Variants in TRPC4AP observed in about 807,000 individuals in gnomAD.
TRPC4AP encodes short transient receptor potential channel 4-associated protein.
Under a neutral mutation model 99.0 loss-of-function variants are expected in TRPC4AP, and 45 were observed. The ratio of observed to expected loss-of-function variants is 0.45; its 90% confidence interval spans 0.36 to 0.58. The LOEUF is 0.58. Among genes scored for constraint, TRPC4AP ranks in the 20% least tolerant of loss-of-function variants. TRPC4AP has a pLI of 0.00. For missense variants in TRPC4AP, 879 were observed against 985.3 expected (o/e 0.89, Z 1.44); for synonymous variants, 408 against 385.8 (o/e 1.06, Z -0.67).
chr20:35,081,877 C>T (rs1195721405), intron 1 of TRPC4AP, among the ~76,000 whole-genome samples: 2 of 151,956 alleles, frequency 1.3e-5, no homozygotes, highest in Non-Finnish European at 2.9e-5. Context: ...CCCAGTTACT[C>T]GAGAGGCTGA....
At chr20:35,049,517 T>C (rs1420292691) in intron 6 of TRPC4AP, among the ~76,000 whole-genome samples, 2 of 152,170 alleles carry the variant, frequency 1.3e-5, no homozygotes, top group Non-Finnish European at 2.9e-5. Context: ...AGTCACTGCA[T>C]AGCATACAAT....
At chr20:35,020,969 T>C (rs935550165) in intron 9 of TRPC4AP, among the ~76,000 whole-genome samples, 2 of 152,196 alleles carry the variant, frequency 1.3e-5, no homozygotes, top group Non-Finnish European at 2.9e-5. Context: ...CAACCAAGAC[T>C]GCCTAGAAAC....
chr20:35,037,743 T>C (rs2083354173), intron 7 of TRPC4AP, among the ~76,000 whole-genome samples: 1 of 152,184 alleles, frequency 6.6e-6, no homozygotes, highest in African/African-American at 2.4e-5. Context: ...CAGAAGACGG[T>C]GGTGCCATCA....
intron 3 of TRPC4AP, among the ~76,000 whole-genome samples, chr20:35,066,117 T>A (rs2084137949): frequency 6.6e-6 from 1 of 152,156 alleles, no homozygotes; most frequent in South Asian, 2.1e-4. Flanking sequence ...TACAATTTTT[T>A]TTTTTGAGAT....
At chr20:35,048,938 G>C (rs2083627251) in intron 6 of TRPC4AP, among the ~76,000 whole-genome samples, 1 of 152,172 alleles carries the variant, frequency 6.6e-6, no homozygotes, top group Non-Finnish European at 1.5e-5. Context: ...ACTTGTGCTG[G>C]GCAATGACAA....
chr20:35,013,205 C>G, intron 10 of TRPC4AP, 139 bp from the exon 11 acceptor site: 1 of 729,964 alleles, frequency 1.4e-6, no homozygotes, highest in African/African-American at 1.8e-5. Context: ...AGTTAGAAAA[C>G]CATCTGTTCA....
intron 2 of TRPC4AP, 142 bp from the exon 3 acceptor site, chr20:35,069,554 T>C: frequency 1.6e-6 from 1 of 607,734 alleles, no homozygotes; most frequent in Non-Finnish European, 2.9e-6. Context: ...TTCCTAGTAT[T>C]CAGGCCCCTG....
chr20:35,083,897 AGCTAAACTAAACT>A (rs2084723743), intron 1 of TRPC4AP, among the ~76,000 whole-genome samples: 1 of 152,004 alleles, frequency 6.6e-6, no homozygotes, highest in African/African-American at 2.4e-5. Flanking sequence ...CCTAGTAAGC[AGCTAAACTAAACT>A]GCTAAACTGC....
At chr20:35,067,181 T>C (rs2084166279) in intron 3 of TRPC4AP, among the ~76,000 whole-genome samples, 1 of 152,168 alleles carries the variant, frequency 6.6e-6, no homozygotes, top group African/African-American at 2.4e-5. Context: ...TCACACTCAC[T>C]AGAATGGCTG....
At position 35,057,530 on chromosome 20, in the gene TRPC4AP, C is replaced by A; in HGVS notation, c.456G>T (p.Arg152=). ...EILMRPTISI[R]GQKLKISDEM... ...TATACTTACTTTTCAGTTTCTGTCC[C>A]CGGATAGAGATCGTAGGCCTCATAA... Residue 152 remains arginine, a synonymous_variant, in exon 4 of 19, where the codon CGG becomes CGT. Coordinates refer to ENST00000252015, the MANE Select transcript of TRPC4AP (RefSeq NM_015638.3). 6.2e-7 allele frequency: 1 copy of A among 1,611,948 alleles called. No homozygotes were observed. The highest frequency in any genetic ancestry group is 8.5e-7 in the Non-Finnish European group (1 of 1,178,772).
rs1435815529 is a variant in TRPC4AP at position 35,002,667 on chromosome 20, A to AGGCTT, written c.*474_*478dup. ...CTACAGGAAAATGAGGCAGAGGGGC[A>AGGCTT]GGCTTGGGGGAAGGCAGCATTCTCT... On this transcript the variant is annotated 3_prime_UTR_variant, in exon 19 of 19. Coordinates refer to ENST00000252015, the MANE Select transcript of TRPC4AP (RefSeq NM_015638.3). 1 of 170,710 alleles carries AGGCTT rather than the reference A, an allele frequency of 5.9e-6. No homozygotes were observed. The highest frequency in any genetic ancestry group is 5.8e-5 in the Admixed American group (1 of 17,196). 10.6% of individuals were successfully genotyped at this position (170,710 alleles called of 1,614,324 possible). A position where few individuals can be genotyped will look rare whatever the true frequency, so the allele number is the denominator to read the frequency against.
At chr20:35,039,859 G>C (rs1231195237) in intron 7 of TRPC4AP, among the ~76,000 whole-genome samples, 1 of 151,322 alleles carries the variant, frequency 6.6e-6, no homozygotes, top group Non-Finnish European at 1.5e-5. Context: ...ATTTTAAAAT[G>C]AATCTCAAAA....
chr20:35,011,155 G>A (rs2082626655), intron 11 of TRPC4AP, among the ~76,000 whole-genome samples: 1 of 152,166 alleles, frequency 6.6e-6, no homozygotes, highest in Non-Finnish European at 1.5e-5. Context: ...AGCTACTCAG[G>A]AGGCTGAGGT....
chr20:35,068,677 G>A (rs868537461), intron 3 of TRPC4AP, among the ~76,000 whole-genome samples: 4 of 151,824 alleles, frequency 2.6e-5, no homozygotes, highest in East Asian at 1.9e-4. Context: ...GCCTGCCACC[G>A]TGCCCATCTA....
intron 3 of TRPC4AP, among the ~76,000 whole-genome samples, chr20:35,062,712 C>T (rs1569134789): frequency 6.6e-6 from 1 of 152,130 alleles, no homozygotes; most frequent in Non-Finnish European, 1.5e-5. Context: ...GGAGTGGCTA[C>T]TGAAGAATAT....
rs748329195 is a variant in TRPC4AP, at chr20:35,008,659, C to T, written c.1595+5G>A. 4 of 1,612,616 alleles carry T rather than the reference C, an allele frequency of 2.5e-6. No individual in the cohort carries two copies. The highest frequency in any genetic ancestry group is 3.4e-6 in the Non-Finnish European group (4 of 1,179,342). ...GAATCGGCAGGTACTTTTCCCCAGA[C>T]TCACCTGAAAGACGACTCTGCTGGC... On this transcript the variant is annotated splice_donor_5th_base_variant and intron_variant, in intron 13 of 18. Transcript: ENST00000252015.
At chr20:35,043,872 A>T (rs1045899129) in intron 7 of TRPC4AP, among the ~76,000 whole-genome samples, 1 of 152,218 alleles carries the variant, frequency 6.6e-6, no homozygotes, top group Non-Finnish European at 1.5e-5. Context: ...AGAGGAGATT[A>T]GTGTCTATAC....
chr20:35,059,878 C>T (rs1052068733), intron 3 of TRPC4AP, among the ~76,000 whole-genome samples: 17 of 149,496 alleles, frequency 1.1e-4, no homozygotes, highest in African/African-American at 3.7e-4. Context: ...GAAGAAAAGA[C>T]GAAGACAAAG....
chr20:35,058,687 CTTTTTTT>C (rs71196781), intron 3 of TRPC4AP, among the ~76,000 whole-genome samples: 1 of 110,366 alleles, frequency 9.1e-6, no homozygotes, highest in African/African-American at 3.5e-5. Context: ...AAAGAAAATT[CTTTTTTT>C]TTTTTTTTTT....
Sources: gnomAD v4.1 joint callset for allele counts (sites outside exome capture counted in the v4.1 genomes callset) on GRCh38, gnomAD v4.1.1 for gene constraint, MANE v1.5 for transcripts, NCBI Gene and HGNC (gene_info 2026-07-23, HGNC 2026-07-21) for gene names.